Variants in SRRM3 observed in about 807,000 individuals in gnomAD.
The protein encoded by SRRM3 is serine/arginine repetitive matrix 3, also known as serine/arginine repetitive matrix protein 3.
SRRM3 carries 27 observed loss-of-function variants against 66.2 expected under a neutral mutation model. That is an observed-to-expected ratio of 0.41 (90% CI 0.30 to 0.56). The LOEUF is 0.56. Among genes scored for constraint, SRRM3 ranks in the 20% least tolerant of loss-of-function variants. The probability of loss-of-function intolerance (pLI) is 0.32; values close to 1 mark genes in which losing one functional copy is unlikely to be tolerated. For missense variants in SRRM3, 918 were observed against 991.9 expected (o/e 0.93, Z 1.00); for synonymous variants, 391 against 414.9 (o/e 0.94, Z 0.70).
intron 1 of SRRM3, among the ~76,000 whole-genome samples, chr7:76,219,637 G>A (rs1259484155): frequency 3.3e-5 from 5 of 152,248 alleles, no homozygotes; most frequent in East Asian, 1.9e-4. Context: ...GGCCGGGTGC[G>A]GTGGCTCACA....
intron 1 of SRRM3, among the ~76,000 whole-genome samples, chr7:76,231,809 C>T (rs1306376034): frequency 6.6e-6 from 1 of 152,062 alleles, no homozygotes; most frequent in Admixed American, 6.6e-5. Context: ...GCGGAAGATT[C>T]CCAGAGGAGG....
At chr7:76,272,058 C>CAGGAGACCTCCTGGG in intron 11 of SRRM3, among the ~76,000 whole-genome samples, 1 of 152,310 alleles carries the variant, frequency 6.6e-6, no homozygotes, top group South Asian at 2.1e-4. Flanking sequence ...AGATACTGAT[C>CAGGAGACCTCCTGGG]AGGAGACCTC....
rs782766865 is a variant in SRRM3, at chr7:76,235,198, G to A, written c.132G>A (p.Pro44=). Residue 44 remains proline (P), a synonymous_variant, in exon 2 of 15, where the codon CCG becomes CCA. Coordinates refer to ENST00000611745, the MANE Select transcript of SRRM3 (RefSeq NM_001110199.3). ...AAGAGGAGCTGCGCGCCGCGGAGCC[G>A]GGCCTGGTGAAGCGCGCGCACCGCG... is the stretch of plus-strand genomic sequence containing the variant. The part of the protein sequence containing the change: ...RAEEELRAAE[P]GLVKRAHREI... The A allele has an allele frequency of 3.3e-4, 510 of 1,550,752 alleles. No homozygotes were observed. Among genetic ancestry groups the A allele is most frequent in the Middle Eastern group, 8.9e-4 (4 of 4,506 alleles).
At position 76,285,539 on chromosome 7, in the gene SRRM3, G is replaced by T; in HGVS notation, c.1734-76G>T. ...AGGCCAGGGCTCAGGGGAAACTGAG[G>T]CAGGAAGCCCTGGCCGCTGCTGGGA... On this transcript the variant is annotated intron_variant, in intron 14 of 14. Coordinates refer to ENST00000611745, the MANE Select transcript of SRRM3 (RefSeq NM_001110199.3). The surrounding 1 kb of genome is among the most constrained non-coding windows in gnomAD (Gnocchi z 4.1). The T allele has an allele frequency of 8.0e-7, 1 of 1,244,852 alleles. No individual in the cohort carries two copies. Among genetic ancestry groups the T allele is most frequent in the Non-Finnish European group, 1.1e-6 (1 of 891,616 alleles). The allele number at this position is 1,244,852 out of a possible 1,614,324, so 77.1% of individuals were successfully genotyped here. A position where few individuals can be genotyped will look rare whatever the true frequency, so the allele number is the denominator to read the frequency against.
chr7:76,245,356 G>A (rs1237487384), intron 2 of SRRM3, among the ~76,000 whole-genome samples: 1 of 152,102 alleles, frequency 6.6e-6, no homozygotes. Context: ...GGGAGGGCTG[G>A]ACCCATGCTG....
chr7:76,218,130 G>A (rs1281176102), intron 1 of SRRM3, among the ~76,000 whole-genome samples: 9 of 152,158 alleles, frequency 5.9e-5, no homozygotes, highest in African/African-American at 2.2e-4. Flanking sequence ...AGCGGGGGTT[G>A]GGATCTGATC....
At chr7:76,264,631 C>A in intron 8 of SRRM3, 134 bp from the exon 9 acceptor site, 1 of 856,744 alleles carries the variant, frequency 1.2e-6, no homozygotes, top group Non-Finnish European at 1.8e-6. Context: ...ATGGAAAAGT[C>A]CCCGCCAGCC....
chr7:76,262,504 G>C (rs1801901645), intron 8 of SRRM3, among the ~76,000 whole-genome samples: 1 of 125,466 alleles, frequency 8.0e-6, no homozygotes, highest in Non-Finnish European at 1.6e-5. Flanking sequence ...GACACAGCGA[G>C]ACTCTGTCTC....
chr7:76,208,418 C>T (rs1392193543), intron 1 of SRRM3, among the ~76,000 whole-genome samples: 7 of 151,466 alleles, frequency 4.6e-5, no homozygotes, highest in African/African-American at 1.7e-4. Context: ...CCTGTAATCC[C>T]AGAACTTTGG....
intron 1 of SRRM3, among the ~76,000 whole-genome samples, chr7:76,223,420 C>T (rs1485604245): frequency 6.6e-6 from 1 of 152,200 alleles, no homozygotes; most frequent in Non-Finnish European, 1.5e-5. Flanking sequence ...CATGGCTGCA[C>T]CTGGCTTCAA....
At chr7:76,284,898 CGG>C (rs1209470715) in intron 14 of SRRM3, among the ~76,000 whole-genome samples, 1 of 152,104 alleles carries the variant, frequency 6.6e-6, no homozygotes, top group Non-Finnish European at 1.5e-5. Context: ...TGGGGAGCAG[CGG>C]CCAGGACTCC....
chr7:76,212,370 T>TAGTCTTGA (rs1483109358), intron 1 of SRRM3, among the ~76,000 whole-genome samples: 2 of 150,862 alleles, frequency 1.3e-5, no homozygotes, highest in African/African-American at 4.9e-5. Context: ...TTGCCCAGGC[T>TAGTCTTGA]AGTCTTGAAC....
chr7:76,265,594 C>T, intron 10 of SRRM3, 126 bp downstream of exon 10: 1 of 701,644 alleles, frequency 1.4e-6, no homozygotes, highest in Non-Finnish European at 2.2e-6. Flanking sequence ...AGAAGTTTAT[C>T]AGGGGTAGCC....
chr7:76,275,239 G>A (rs536662775), intron 11 of SRRM3, among the ~76,000 whole-genome samples: 6 of 152,118 alleles, frequency 3.9e-5, no homozygotes, highest in Admixed American at 3.3e-4. Context: ...TGTTTATCCC[G>A]GAGGCAGGTG....
intron 1 of SRRM3, among the ~76,000 whole-genome samples, chr7:76,215,752 G>C (rs1458319674): frequency 2.2e-5 from 3 of 138,908 alleles, no homozygotes; most frequent in Non-Finnish European, 3.0e-5. Flanking sequence ...TCAGCCTCCT[G>C]AGTGGCTGGA....
intron 6 of SRRM3, 90 bp downstream of exon 6, chr7:76,260,993 T>C (rs530749599): frequency 1.4e-6 from 2 of 1,417,738 alleles, no homozygotes; most frequent in South Asian, 1.3e-5. Context: ...GCCGGAGGCC[T>C]GGACCCTCAG....
At chr7:76,240,972 C>T (rs1383320987) in intron 2 of SRRM3, among the ~76,000 whole-genome samples, 2 of 152,076 alleles carry the variant, frequency 1.3e-5, no homozygotes, top group East Asian at 3.9e-4. Flanking sequence ...TCTTGGCTCA[C>T]TGCAACCTCC....
chr7:76,222,023 G>C (rs1800735918), intron 1 of SRRM3, among the ~76,000 whole-genome samples: 1 of 152,182 alleles, frequency 6.6e-6, no homozygotes, highest in Non-Finnish European at 1.5e-5. Flanking sequence ...CACATAGTAA[G>C]TGATTTGAAC....
chr7:76,282,749 GC>G lies in SRRM3; in HGVS notation c.1476del (p.Gly493AlafsTer106). On this transcript the variant is annotated frameshift_variant, in exon 13 of 15. Coordinates refer to ENST00000611745, the MANE Select transcript of SRRM3 (RefSeq NM_001110199.3). LOFTEE classifies it high-confidence loss of function. ...CCAGAAGGGAAGAGCTCGTCGCGCA[GC>G]CCCGGCCCGCACCCCCGCTCCTGGA... ...GGPEGKSSSR[S>X]PGPHPRSWSS... The G allele has an allele frequency of 6.8e-7, 1 of 1,464,226 alleles. No homozygotes were observed. The highest frequency in any genetic ancestry group is 9.0e-7 in the Non-Finnish European group (1 of 1,114,146). The allele number at this position is 1,464,226 out of a possible 1,614,324, so 90.7% of individuals were successfully genotyped here.
Sources: gnomAD v4.1 joint callset for allele counts (sites outside exome capture counted in the v4.1 genomes callset) on GRCh38, gnomAD v4.1.1 for gene constraint, Gnocchi (gnomAD v3.1) non-coding constraint, MANE v1.5 for transcripts, NCBI Gene and HGNC (gene_info 2026-07-23, HGNC 2026-07-21) for gene names.